Variants in EMP2 observed in about 807,000 individuals in gnomAD.
EMP2 encodes the protein epithelial membrane protein 2.
EMP2 carries 19 observed loss-of-function variants against 13.7 expected under a neutral mutation model. That is an observed-to-expected ratio of 1.38 (90% CI 0.97 to 2.03). EMP2 has a LOEUF of 2.03. Among genes scored for constraint, EMP2 ranks in the 30% most tolerant of loss-of-function variants. The probability of loss-of-function intolerance (pLI) is 0.00; values close to 1 mark genes in which losing one functional copy is unlikely to be tolerated. For synonymous variants in EMP2, 97 were observed against 84.7 expected, an observed-to-expected ratio of 1.15 and a Z score of -0.80; for missense variants, 253 against 220.7, an observed-to-expected ratio of 1.15 and a Z score of -0.93.
At chr16:10,543,765 G>T in intron 2 of EMP2, 105 bp from the exon 3 acceptor site, 1 of 1,046,846 alleles carries the variant, frequency 9.6e-7, no homozygotes, top group Non-Finnish European at 1.5e-6. Flanking sequence ...TTCTCAAACT[G>T]CAACACATGT....
intron 1 of EMP2, among the ~76,000 whole-genome samples, chr16:10,578,382 G>A (rs2050999077): frequency 6.6e-6 from 1 of 152,204 alleles, no homozygotes; most frequent in African/African-American, 2.4e-5. Flanking sequence ...TTCCGTTCCA[G>A]GAAGAAAGGA....
chr16:10,578,765 T>G (rs756931938), intron 1 of EMP2, among the ~76,000 whole-genome samples: 1 of 152,258 alleles, frequency 6.6e-6, no homozygotes, highest in Non-Finnish European at 1.5e-5. Context: ...CTCGACTCCC[T>G]GGCTCCCCAT....
chr16:10,536,960 G>C (rs867244511), intron 4 of EMP2, among the ~76,000 whole-genome samples: 1 of 152,140 alleles, frequency 6.6e-6, no homozygotes, highest in African/African-American at 2.4e-5. Context: ...AGTTGTCACT[G>C]CACTGCACTG....
Position 10,528,721 on chromosome 16 carries a change from C to A in EMP2, c.*4184G>T, listed in dbSNP as rs555401122. The A allele has an allele frequency of 2.6e-5, 4 of 152,318 alleles. No individual in the cohort carries two copies. The highest frequency in any genetic ancestry group is 9.6e-5 in the African/African-American group (4 of 41,578). The allele number at this position is 152,318 out of a possible 1,614,324, so 9.4% of individuals were successfully genotyped here. ...ATTCAAAATGAACCTCTAGGCCTTG[C>A]CCTAACATTTCCCCAACACCACAAA... On this transcript the variant is annotated 3_prime_UTR_variant, in exon 5 of 5. Coordinates refer to ENST00000359543, the MANE Select transcript of EMP2 (RefSeq NM_001424.6).
At chr16:10,577,711 C>T (rs2050993214) in intron 1 of EMP2, among the ~76,000 whole-genome samples, 1 of 152,148 alleles carries the variant, frequency 6.6e-6, no homozygotes, top group Non-Finnish European at 1.5e-5. Flanking sequence ...CACACACACA[C>T]ACCCCTCCTG....
intron 2 of EMP2, chr16:10,546,265 TG>T (rs2050737690): frequency 6.6e-6 from 1 of 152,264 alleles, no homozygotes; most frequent in African/African-American, 2.4e-5. Context: ...GTGTACTTTT[TG>T]GCTTTCTGAG....
chr16:10,541,750 C>T (rs2050700656), intron 3 of EMP2, among the ~76,000 whole-genome samples: 1 of 152,104 alleles, frequency 6.6e-6, no homozygotes, highest in African/African-American at 2.4e-5. Context: ...GAGCTGGTCA[C>T]ACCTAGACTG....
chr16:10,532,373 G>C lies in EMP2; in HGVS notation c.*532C>G, dbSNP rs2050610626. On this transcript the variant is annotated 3_prime_UTR_variant, in exon 5 of 5. Transcript: ENST00000359543. ...CTGGGCTCTGGTTTGGATACAGACAGAATGCCAGGGACTACACCTGCTTCT... is the reference window on the plus strand; with the variant it reads ...CTGGGCTCTGGTTTGGATACAGACACAATGCCAGGGACTACACCTGCTTCT... 6.5e-6 allele frequency: 1 copy of C among 152,698 alleles called. No homozygotes were observed. The highest frequency in any genetic ancestry group is 1.5e-5 in the Non-Finnish European group (1 of 68,240). The allele number at this position is 152,698 out of a possible 1,614,324, so 9.5% of individuals were successfully genotyped here. A position where few individuals can be genotyped will look rare whatever the true frequency, so the allele number is the denominator to read the frequency against.
At chr16:10,552,256 G>C (rs150854685) in intron 1 of EMP2, among the ~76,000 whole-genome samples, 1 of 151,974 alleles carries the variant, frequency 6.6e-6, no homozygotes, top group Non-Finnish European at 1.5e-5. Flanking sequence ...TAACTCCAGG[G>C]TGATAATAGC....
intron 1 of EMP2, among the ~76,000 whole-genome samples, chr16:10,564,345 G>C (rs2050892651): frequency 6.6e-6 from 1 of 152,136 alleles, no homozygotes; most frequent in South Asian, 2.1e-4. Flanking sequence ...ATAAAAATTA[G>C]CTGGGTGTGG....
chr16:10,561,922 A>T (rs1025861805), intron 1 of EMP2, among the ~76,000 whole-genome samples: 1 of 152,248 alleles, frequency 6.6e-6, no homozygotes, highest in Non-Finnish European at 1.5e-5. Flanking sequence ...GGGTTTATCC[A>T]GGGCCTGGAG....
intron 1 of EMP2, chr16:10,559,163 G>C (rs888594547): frequency 1.3e-5 from 2 of 152,440 alleles, no homozygotes; most frequent in African/African-American, 4.8e-5. Context: ...CCTGCTCCGG[G>C]GCTGGTGGTT....
rs561450551 is a variant in EMP2 at position 10,561,945 on chromosome 16, G to A, written c.-60-14268C>T. On this transcript the variant is annotated intron_variant, in intron 1 of 4. Coordinates refer to ENST00000359543, the MANE Select transcript of EMP2 (RefSeq NM_001424.6). Reference sequence around the variant, plus strand: ...CCAGGGCCTGGAGTCTCTTCTCATGGAGGAAACTCCAGGCCCAGATGGCTT... The same window carrying A: ...CCAGGGCCTGGAGTCTCTTCTCATGAAGGAAACTCCAGGCCCAGATGGCTT... 4.6e-5 allele frequency among the ~76,000 whole-genome samples: 7 copies of A among 152,302 alleles called. No individual in the cohort carries two copies. In the East Asian group the frequency reaches 1.4e-3, roughly 29 times the overall value.
intron 3 of EMP2, among the ~76,000 whole-genome samples, chr16:10,543,226 G>A (rs1226574172): frequency 6.6e-6 from 1 of 152,224 alleles, no homozygotes; most frequent in Non-Finnish European, 1.5e-5. Context: ...TAGAGGCAAG[G>A]CTTGGATAAA....
intron 2 of EMP2, chr16:10,545,905 C>T (rs2050735327): frequency 6.6e-6 from 1 of 152,218 alleles, no homozygotes; most frequent in East Asian, 1.9e-4. Context: ...CACAGCAGCT[C>T]AGCAAGAAGC....
At chr16:10,554,023 T>TTTTC (rs1167234897) in intron 1 of EMP2, among the ~76,000 whole-genome samples, 8 of 145,910 alleles carry the variant, frequency 5.5e-5, no homozygotes, top group East Asian at 4.0e-4. Context: ...AAAACCTTTT[T>TTTTC]TTTCTTTCTT....
At chr16:10,560,165 G>T (rs1439281760) in intron 1 of EMP2, among the ~76,000 whole-genome samples, 1 of 152,152 alleles carries the variant, frequency 6.6e-6, no homozygotes, top group Non-Finnish European at 1.5e-5. Context: ...AGCTGATCAG[G>T]GATCTAGCAA....
chr16:10,529,659 A>T lies in EMP2; in HGVS notation c.*3246T>A, dbSNP rs1218825220. On this transcript the variant is annotated 3_prime_UTR_variant, in exon 5 of 5. Transcript: ENST00000359543. ...CAGAAAATTATAGAAGGCCAGACGC[A>T]GTGGCTCATGCCTGTAATCCCAGCA... 6 of 152,214 alleles carry T rather than the reference A, an allele frequency of 3.9e-5. No homozygotes were observed. Among genetic ancestry groups the T allele is most frequent in the Non-Finnish European group, 2.9e-5 (2 of 68,070 alleles). 9.4% of individuals were successfully genotyped at this position (152,214 alleles called of 1,614,324 possible).
At chr16:10,577,923 G>C (rs1173749908) in intron 1 of EMP2, 1 of 152,250 alleles carries the variant, frequency 6.6e-6, no homozygotes, top group South Asian at 2.1e-4. Context: ...CCACAGAGCT[G>C]GGAAGCAGCC....
Sources: gnomAD v4.1 joint callset for allele counts (sites outside exome capture counted in the v4.1 genomes callset) on GRCh38, gnomAD v4.1.1 for gene constraint, MANE v1.5 for transcripts, NCBI Gene and HGNC (gene_info 2026-07-23, HGNC 2026-07-21) for gene names.